Variants in ZCWPW1 observed in about 807,000 individuals in gnomAD.
ZCWPW1 encodes zinc finger CW-type PWWP domain protein 1.
Under a neutral mutation model 81.3 loss-of-function variants are expected in ZCWPW1, and 56 were observed. That is an observed-to-expected ratio of 0.69 (90% CI 0.56 to 0.86). The LOEUF is 0.86. ZCWPW1 is among the 40% of genes least tolerant of loss of function. The pLI is 0.00. For synonymous variants in ZCWPW1, 250 were observed against 273.7 expected (o/e 0.91, Z 0.86); for missense variants, 650 against 769.8 (o/e 0.84, Z 1.84).
At chr7:100,426,394 A>C (rs1797336549) in intron 1 of ZCWPW1, among the ~76,000 whole-genome samples, 1 of 151,804 alleles carries the variant, frequency 6.6e-6, no homozygotes, top group Admixed American at 6.6e-5. Flanking sequence ...TGGGAGGCTG[A>C]AGCAGGAGAA....
chr7:100,413,322 C>T (rs1376860569), intron 8 of ZCWPW1, among the ~76,000 whole-genome samples: 1 of 152,248 alleles, frequency 6.6e-6, no homozygotes, highest in East Asian at 1.9e-4. Flanking sequence ...CCTCCCCTTG[C>T]TCTCTGAGCT....
At chr7:100,419,529 G>A (rs1256876388) in intron 4 of ZCWPW1, 101 bp downstream of exon 4, 4 of 1,505,670 alleles carry the variant, frequency 2.7e-6, no homozygotes, top group Non-Finnish European at 3.5e-6. Flanking sequence ...TGAAACTCTA[G>A]GGTGAATTTC....
Position 100,405,096 on chromosome 7 carries a change from G to T in ZCWPW1, c.1174-3C>A. 6.2e-7 allele frequency: 1 copy of T among 1,611,422 alleles called. No individual in the cohort carries two copies. On this transcript the variant is annotated splice_polypyrimidine_tract_variant and splice_region_variant and intron_variant, in intron 12 of 17. Transcript: ENST00000684423. ...CTGCAGTCATTTCTGCGCTTTTTCT[G>T]AAATAGAAGATTAGAGCCAATGATA... is the stretch of plus-strand genomic sequence containing the variant.
At chr7:100,423,773 G>A (rs532133938) in intron 2 of ZCWPW1, among the ~76,000 whole-genome samples, 2 of 152,160 alleles carry the variant, frequency 1.3e-5, no homozygotes, top group East Asian at 3.9e-4. Context: ...AGAAGGTAAT[G>A]AATGGATAAA....
chr7:100,424,219 G>C (rs1796898443), intron 2 of ZCWPW1, among the ~76,000 whole-genome samples: 1 of 152,118 alleles, frequency 6.6e-6, no homozygotes, highest in African/African-American at 2.4e-5. Flanking sequence ...GCTATGCTAA[G>C]TGAGAAAAGC....
In ZCWPW1 at chr7:100,408,595, G is replaced by C. The variant is rs750233874; in HGVS notation, c.936C>G (p.Ala312=). ...ETWTGLESDV[A]YASYIPGSII... is the part of the protein sequence containing the mutation. ...TGGATCCTGGGATGTAGGAGGCATA[G>C]GCCACATCACTCTCAAGCCCTGTCC... The change falls in exon 10 of 18, where the codon GCC becomes GCG. Residue 312 remains alanine (A), a synonymous_variant. Coordinates refer to ENST00000684423, the MANE Select transcript of ZCWPW1 (RefSeq NM_001386010.1). The C allele has an allele frequency of 1.2e-6, 2 of 1,613,966 alleles. No homozygotes were observed. Among genetic ancestry groups the C allele is most frequent in the South Asian group, 1.1e-5 (1 of 91,086 alleles).
chr7:100,413,359 TA>T (rs549061460), intron 8 of ZCWPW1, among the ~76,000 whole-genome samples: 29 of 152,354 alleles, frequency 1.9e-4, no homozygotes, highest in Non-Finnish European at 4.0e-4. Flanking sequence ...TTTCTTTTAG[TA>T]TCTGGAACAT....
chr7:100,405,400 C>A (rs186466596), intron 12 of ZCWPW1, among the ~76,000 whole-genome samples: 10 of 151,754 alleles, frequency 6.6e-5, no homozygotes, highest in Admixed American at 6.6e-4. Context: ...GAACTCCAGC[C>A]TGGGGGACAG....
intron 9 of ZCWPW1, 98 bp from the exon 10 acceptor site, chr7:100,408,757 T>C: frequency 6.8e-7 from 1 of 1,460,056 alleles, no homozygotes; most frequent in Non-Finnish European, 9.1e-7. Context: ...AATTGGTATA[T>C]GCAGCAGGTG....
Position 100,401,231 on chromosome 7 carries a change from C to T in ZCWPW1, c.1733G>A (p.Cys578Tyr), listed in dbSNP as rs753063055. 2.5e-5 allele frequency: 41 copies of T among 1,614,148 alleles called. No individual in the cohort carries two copies. Among genetic ancestry groups the T allele is most frequent in the Non-Finnish European group, 2.0e-5 (24 of 1,180,048 alleles). Residue 578 changes from cysteine to tyrosine, a missense_variant, in exon 18 of 18, where the codon TGT (cysteine) becomes TAT (tyrosine). Physicochemically the swap from Cys to Tyr is radical, Grantham distance 194. Transcript: ENST00000684423. ...TVPKNLGLSA[C>Y]KGACPSSAKE... The stretch of plus-strand genomic sequence containing the variant: ...CGCAGATGAGGGGCAGGCCCCCTTA[C>T]ACGCTGATAGGCCCAGGTTCTTTGG...
intron 1 of ZCWPW1, among the ~76,000 whole-genome samples, chr7:100,426,648 C>T (rs912763281): frequency 1.3e-5 from 2 of 150,372 alleles, no homozygotes; most frequent in Non-Finnish European, 3.0e-5. Flanking sequence ...TTTCTCCCTC[C>T]CTCTCTCCCT....
chr7:100,402,644 G>T (rs1348416176), intron 15 of ZCWPW1, 68 bp from the exon 16 acceptor site: 2 of 1,493,750 alleles, frequency 1.3e-6, no homozygotes, highest in South Asian at 2.3e-5. Context: ...AATAGAGAAG[G>T]ATGCTACAGA....
intron 5 of ZCWPW1, chr7:100,417,508 A>C (rs1413744970): frequency 1.5e-5 from 3 of 203,820 alleles, no homozygotes; most frequent in Admixed American, 5.9e-5. Flanking sequence ...GCCAAACCTC[A>C]GGAGTTCAAG....
intron 5 of ZCWPW1, among the ~76,000 whole-genome samples, chr7:100,418,019 G>A (rs1403105700): frequency 6.6e-6 from 1 of 151,894 alleles, no homozygotes; most frequent in African/African-American, 2.4e-5. Context: ...TGAGTAGCTG[G>A]GACTAGAGGT....
At chr7:100,402,389 G>C (rs529394120) in intron 16 of ZCWPW1, 127 bp downstream of exon 16, 3 of 1,029,344 alleles carry the variant, frequency 2.9e-6, no homozygotes, top group Middle Eastern at 2.0e-4. Context: ...CTATGGGTGA[G>C]TGTTGCCTGT....
chr7:100,425,384 T>C (rs896192113), intron 1 of ZCWPW1, among the ~76,000 whole-genome samples: 1 of 152,056 alleles, frequency 6.6e-6, no homozygotes, highest in Non-Finnish European at 1.5e-5. Context: ...CCAGAAACCA[T>C]ATTCTCATCA....
At chr7:100,411,982 T>A (rs1359514773) in intron 8 of ZCWPW1, among the ~76,000 whole-genome samples, 1 of 152,156 alleles carries the variant, frequency 6.6e-6, no homozygotes, top group East Asian at 1.9e-4. Context: ...GTTAAGAGGA[T>A]TTCACTTGAC....
At chr7:100,401,841 T>C (rs2130312345) in intron 17 of ZCWPW1, 48 bp downstream of exon 17, 1 of 1,548,248 alleles carries the variant, frequency 6.5e-7, no homozygotes, top group Non-Finnish European at 8.7e-7. Context: ...GGGGAGATGC[T>C]GACAGGCACC....
Position 100,419,783 on chromosome 7 carries a change from C to T in ZCWPW1, c.129G>A (p.Gly43=), listed in dbSNP as rs1390630581. The T allele has an allele frequency of 6.2e-7, 1 of 1,613,900 alleles. No individual in the cohort carries two copies. Among genetic ancestry groups the T allele is most frequent in the Non-Finnish European group, 8.5e-7 (1 of 1,180,008 alleles). The change falls in exon 4 of 18, where the codon GGG becomes GGA. Residue 43 remains glycine (G), a synonymous_variant. Coordinates refer to ENST00000684423, the MANE Select transcript of ZCWPW1 (RefSeq NM_001386010.1). The stretch of plus-strand genomic sequence containing the variant: ...TGGCCTCTGTCTCTGGGGAACTGAT[C>T]CCCGGGGTCTCCTCCTTAGGGGAGT... ...SPNSPKEETP[G]ISSPETEARI...
Sources: gnomAD v4.1 joint callset for allele counts (sites outside exome capture counted in the v4.1 genomes callset) on GRCh38, gnomAD v4.1.1 for gene constraint, MANE v1.5 for transcripts, NCBI Gene and HGNC (gene_info 2026-07-23, HGNC 2026-07-21) for gene names.